ANTXR2: variants seen among roughly 807,000 people sequenced by gnomAD.
ANTXR2 encodes anthrax toxin receptor 2.
Under a neutral mutation model 73.7 loss-of-function variants are expected in ANTXR2, and 44 were observed. The observed-to-expected ratio is 0.60, with a 90% CI of 0.47 to 0.77. The LOEUF (loss-of-function observed/expected upper bound fraction) is 0.77. Among genes scored for constraint, ANTXR2 ranks in the 30% least tolerant of loss-of-function variants. The pLI is 0.00. For missense variants in ANTXR2, 604 were observed against 592.5 expected (o/e 1.02, Z -0.20); for synonymous variants, 217 against 205.9 (o/e 1.05, Z -0.46).
chr4:79,913,829 C>A (rs960493859), intron 16 of ANTXR2, among the ~76,000 whole-genome samples: 8 of 152,088 alleles, frequency 5.3e-5, no homozygotes, highest in Non-Finnish European at 1.0e-4. Context: ...AACAAGCAGG[C>A]ACAACTGCAG....
chr4:80,069,805 A>G (rs1378420509), intron 2 of ANTXR2, among the ~76,000 whole-genome samples: 1 of 152,210 alleles, frequency 6.6e-6, no homozygotes, highest in African/African-American at 2.4e-5. Context: ...TCTTTCGTAG[A>G]AAATTCCTCT....
chr4:80,002,190 T>C (rs1184245043), intron 12 of ANTXR2, among the ~76,000 whole-genome samples: 2 of 152,122 alleles, frequency 1.3e-5, no homozygotes, highest in Admixed American at 6.6e-5. Flanking sequence ...CAAAACAGCA[T>C]GGTACTGGTA....
At chr4:79,936,108 G>T (rs1367427227) in intron 16 of ANTXR2, among the ~76,000 whole-genome samples, 1 of 152,108 alleles carries the variant, frequency 6.6e-6, no homozygotes, top group Non-Finnish European at 1.5e-5. Flanking sequence ...CTAATTTTGA[G>T]ATATTATTCA....
At chr4:79,975,447 T>C (rs1472919493) in intron 16 of ANTXR2, among the ~76,000 whole-genome samples, 2 of 152,162 alleles carry the variant, frequency 1.3e-5, no homozygotes, top group South Asian at 2.1e-4. Flanking sequence ...TCAAAATTAA[T>C]AGGAATAATG....
intron 16 of ANTXR2, among the ~76,000 whole-genome samples, chr4:79,910,789 A>G (rs1727102837): frequency 6.6e-6 from 1 of 152,180 alleles, no homozygotes; most frequent in Non-Finnish European, 1.5e-5. Flanking sequence ...GGAGAAAAAC[A>G]GTGGAAAGGA....
At chr4:79,909,060 A>G (rs1727026376) in intron 16 of ANTXR2, among the ~76,000 whole-genome samples, 1 of 152,182 alleles carries the variant, frequency 6.6e-6, no homozygotes. Context: ...TATATATTCA[A>G]TGAGAAATAG....
At chr4:79,911,271 A>G (rs1727120666) in intron 16 of ANTXR2, among the ~76,000 whole-genome samples, 1 of 152,252 alleles carries the variant, frequency 6.6e-6, no homozygotes, top group African/African-American at 2.4e-5. Context: ...TAGCAAGCAA[A>G]GCAATATAAA....
chr4:80,034,577 TAA>T (rs1732867973), intron 8 of ANTXR2, among the ~76,000 whole-genome samples: 1 of 152,170 alleles, frequency 6.6e-6, no homozygotes, highest in African/African-American at 2.4e-5. Flanking sequence ...CCTAGTTATA[TAA>T]GTTTGTTGGT....
intron 16 of ANTXR2, among the ~76,000 whole-genome samples, chr4:79,908,851 G>C (rs909993952): frequency 6.6e-6 from 1 of 152,110 alleles, no homozygotes; most frequent in Non-Finnish European, 1.5e-5. Flanking sequence ...TGCATATTAA[G>C]TGAAGAGGTG....
chr4:79,999,218 C>T (rs1018469370), intron 12 of ANTXR2, among the ~76,000 whole-genome samples: 3 of 152,032 alleles, frequency 2.0e-5, no homozygotes, highest in South Asian at 4.2e-4. Flanking sequence ...ATAATCCCCA[C>T]GTGTTGAGGG....
At chr4:79,921,477 C>T (rs564575259) in intron 16 of ANTXR2, among the ~76,000 whole-genome samples, 1 of 152,082 alleles carries the variant, frequency 6.6e-6, no homozygotes, top group East Asian at 1.9e-4. Flanking sequence ...TTAAAAATGT[C>T]CATAGCTCTT....
intron 16 of ANTXR2, among the ~76,000 whole-genome samples, chr4:79,958,726 G>A (rs1729030079): frequency 6.6e-6 from 1 of 152,138 alleles, no homozygotes; most frequent in African/African-American, 2.4e-5. Flanking sequence ...ATCTAGTTAA[G>A]AGCATAAGAC....
intron 12 of ANTXR2, among the ~76,000 whole-genome samples, chr4:80,007,304 C>T (rs1324685142): frequency 6.6e-6 from 1 of 151,958 alleles, no homozygotes; most frequent in Non-Finnish European, 1.5e-5. Context: ...ATGAACTACA[C>T]AATATTAAGT....
intron 3 of ANTXR2, among the ~76,000 whole-genome samples, chr4:80,058,601 T>C (rs565209744): frequency 6.0e-4 from 91 of 151,992 alleles, no homozygotes; most frequent in African/African-American, 1.0e-3. Flanking sequence ...AGTTTTTCAA[T>C]TGGTAAACAG....
chr4:80,011,054 G>A (rs879840959), intron 11 of ANTXR2, among the ~76,000 whole-genome samples: 43 of 152,000 alleles, frequency 2.8e-4, no homozygotes, highest in Non-Finnish European at 5.4e-4. Flanking sequence ...GGCTGAGGCA[G>A]GAGAATGGCG....
At chr4:80,045,770 T>C (rs1377824662) in intron 7 of ANTXR2, among the ~76,000 whole-genome samples, 1 of 151,718 alleles carries the variant, frequency 6.6e-6, no homozygotes, top group African/African-American at 2.4e-5. Context: ...ACTGGAAAGG[T>C]GTTTCTCATC....
intron 4 of ANTXR2, 125 bp downstream of exon 4, chr4:80,055,807 T>G: frequency 1.4e-6 from 1 of 734,772 alleles, no homozygotes; most frequent in South Asian, 2.1e-5. Context: ...CTGGAACAAC[T>G]AAAAGCACTT....
chr4:80,059,447 C>A (rs528542240), intron 3 of ANTXR2, among the ~76,000 whole-genome samples: 2 of 152,108 alleles, frequency 1.3e-5, no homozygotes, highest in African/African-American at 4.8e-5. Flanking sequence ...CAACTTCAAA[C>A]CCCTGGACTC....
At chr4:79,915,829 CCTCTCTCTCTCTCT>C (rs71596772) in intron 16 of ANTXR2, among the ~76,000 whole-genome samples, 1 of 132,948 alleles carries the variant, frequency 7.5e-6, no homozygotes, top group Non-Finnish European at 1.6e-5. Context: ...TGTCTCTCTC[CCTCTCTCTCTCTCT>C]CTCTCTCTCT....
Sources: allele counts gnomAD v4.1 joint callset (sites outside exome capture counted in the v4.1 genomes callset), GRCh38; gene constraint gnomAD v4.1.1; transcripts MANE v1.5; gene names NCBI Gene and HGNC (gene_info 2026-07-23, HGNC 2026-07-21).